Variants in FYB2 observed in about 807,000 individuals in gnomAD.
The protein encoded by FYB2 is FYN-binding protein 2.
A neutral mutation model predicts 94.1 loss-of-function variants in FYB2; 103 were observed. The ratio of observed to expected loss-of-function variants is 1.09; its 90% CI spans 0.93 to 1.29. The LOEUF (loss-of-function observed/expected upper bound fraction) is 1.29. FYB2 is among the 50% of genes most tolerant of loss of function. The pLI, the probability that FYB2 is intolerant of heterozygous loss-of-function variation, is 0.00. For missense variants in FYB2, 896 were observed against 841.5 expected, an observed-to-expected ratio of 1.06 and a Z score of -0.80; for synonymous variants, 293 against 287.9, an observed-to-expected ratio of 1.02 and a Z score of -0.18.
chr1:56,815,635 C>T (rs1291473186), intron 1 of FYB2, among the ~76,000 whole-genome samples: 1 of 152,156 alleles, frequency 6.6e-6, no homozygotes, highest in African/African-American at 2.4e-5. Flanking sequence ...CATTTTCTGC[C>T]TCTGTGGCTC....
At chr1:56,779,160 A>G (rs1338175346) in intron 4 of FYB2, among the ~76,000 whole-genome samples, 1 of 152,188 alleles carries the variant, frequency 6.6e-6, no homozygotes, top group Admixed American at 6.5e-5. Flanking sequence ...TAAGAAACCT[A>G]TAAGAATATA....
intron 3 of FYB2, 60 bp downstream of exon 3, chr1:56,788,913 G>A (rs2100949749): frequency 3.8e-6 from 6 of 1,588,610 alleles, no homozygotes; most frequent in Non-Finnish European, 5.2e-6. Flanking sequence ...CCTGGGAGAG[G>A]ATGTGGAGAC....
chr1:56,758,892 G>A (rs1400095187), intron 5 of FYB2, 142 bp from the exon 6 acceptor site: 7 of 527,786 alleles, frequency 1.3e-5, no homozygotes, highest in Non-Finnish European at 1.9e-5. Flanking sequence ...GCTCTATCTA[G>A]AAAGTTTGGG....
intron 4 of FYB2, 72 bp downstream of exon 4, chr1:56,787,103 C>A: frequency 6.6e-7 from 1 of 1,522,170 alleles, no homozygotes; most frequent in Non-Finnish European, 9.1e-7. Context: ...GTGCTAATTG[C>A]CTGCTCTGGA....
Position 56,720,063 on chromosome 1 carries a change from A to G in FYB2, c.2132-8T>C. ...CAATGAGCACATATCCATCTAATAGAAACAAAAGTCACCGTTAATTTGAAA... is the reference window on the plus strand; with the variant it reads ...CAATGAGCACATATCCATCTAATAGGAACAAAAGTCACCGTTAATTTGAAA... On this transcript the variant is annotated splice_region_variant and splice_polypyrimidine_tract_variant and intron_variant, in intron 18 of 19. Coordinates refer to ENST00000343433, the MANE Select transcript of FYB2 (RefSeq NM_001004303.5). 6.2e-7 allele frequency: 1 copy of G among 1,600,192 alleles called. No homozygotes were observed. Among genetic ancestry groups the G allele is most frequent in the Non-Finnish European group, 8.5e-7 (1 of 1,175,308 alleles).
At chr1:56,816,863 C>CTTTTT (rs11415687) in intron 1 of FYB2, among the ~76,000 whole-genome samples, 1 of 140,164 alleles carries the variant, frequency 7.1e-6, no homozygotes, top group Non-Finnish European at 1.5e-5. Flanking sequence ...CAACAATTTT[C>CTTTTT]TTTTTTTTTT....
At chr1:56,806,382 G>A (rs1045025584) in intron 1 of FYB2, among the ~76,000 whole-genome samples, 1 of 152,156 alleles carries the variant, frequency 6.6e-6, no homozygotes, top group Non-Finnish European at 1.5e-5. Flanking sequence ...GAAAGTAATG[G>A]TAGAGGAGAT....
chr1:56,724,483 T>C (rs527729449), intron 16 of FYB2, among the ~76,000 whole-genome samples: 2 of 152,154 alleles, frequency 1.3e-5, no homozygotes, highest in East Asian at 3.9e-4. Context: ...ATTTCCAAGA[T>C]TACAGCCACT....
rs893766265 is a variant in FYB2, at chr1:56,753,865, C to T, written c.1201G>A (p.Glu401Lys). ...TTGAAAACATGGTTTGAATATGGTT[C>T]CTTTTCTGTGTTTTTAGGTTTCAAT... ...CELKPKNTEK[E>K]PYSNHVFKVD... The change falls in exon 8 of 20, where the codon GAA becomes AAA. Residue 401 changes from glutamate to lysine, a missense_variant. Glu to Lys is a moderately conservative substitution (Grantham distance 56). Transcript: ENST00000343433. The T allele has an allele frequency of 4.3e-6, 7 of 1,610,028 alleles. No homozygotes were observed. The African/African-American group carries it at 8.0e-5, about 18-fold the overall frequency.
chr1:56,754,343 T>A (rs1177569463), intron 7 of FYB2, among the ~76,000 whole-genome samples: 3 of 152,078 alleles, frequency 2.0e-5, no homozygotes, highest in Non-Finnish European at 4.4e-5. Context: ...TCTTTAGACA[T>A]GCCTTCCACA....
chr1:56,738,917 A>T (rs774681244), intron 13 of FYB2, among the ~76,000 whole-genome samples: 13 of 152,106 alleles, frequency 8.5e-5, no homozygotes, highest in Non-Finnish European at 1.9e-4. Context: ...ACAATATTTG[A>T]TCGAATTTTA....
At chr1:56,752,383 G>A (rs1376856400) in intron 8 of FYB2, among the ~76,000 whole-genome samples, 1 of 151,962 alleles carries the variant, frequency 6.6e-6, no homozygotes, top group Non-Finnish European at 1.5e-5. Context: ...ATGAGAGAAA[G>A]GTAATTGTCC....
At chr1:56,825,446 C>T in the FYB2 span, among the ~76,000 whole-genome samples, 2 of 152,084 alleles carry the variant, frequency 1.3e-5, no homozygotes, top group East Asian at 3.9e-4. Flanking sequence ...CTGCCCATGC[C>T]CACATCCATG....
intron 1 of FYB2, among the ~76,000 whole-genome samples, chr1:56,818,313 G>A (rs1646931139): frequency 6.6e-6 from 1 of 151,920 alleles, no homozygotes; most frequent in East Asian, 1.9e-4. Context: ...TTTGCCCTGA[G>A]ACAAAGGGGA....
chr1:56,810,949 A>G (rs1646753800), intron 1 of FYB2, among the ~76,000 whole-genome samples: 2 of 152,104 alleles, frequency 1.3e-5, no homozygotes, highest in South Asian at 2.1e-4. Flanking sequence ...TTTATTATCA[A>G]TATCTGTTTA....
In FYB2 at chr1:56,719,659, A is replaced by ATCT; in HGVS notation, c.*9_*11dup. The ATCT allele has an allele frequency of 6.3e-7, 1 of 1,597,636 alleles. No homozygotes were observed. The highest frequency in any genetic ancestry group is 8.6e-7 in the Non-Finnish European group (1 of 1,167,598). ...TCCTTTGTGCAGTCCATAGCATTTGATCTTGATTTTTCTAAGGTGACCAAC... is the reference window on the plus strand; with the variant it reads ...TCCTTTGTGCAGTCCATAGCATTTGATCTTCTTGATTTTTCTAAGGTGACCAAC... On this transcript the variant is annotated 3_prime_UTR_variant, in exon 20 of 20. Transcript: ENST00000343433.
chr1:56,817,975 C>A (rs557271126), intron 1 of FYB2, among the ~76,000 whole-genome samples: 10 of 152,144 alleles, frequency 6.6e-5, no homozygotes, highest in Non-Finnish European at 1.3e-4. Flanking sequence ...GTTACCTCAT[C>A]TACAATAAAT....
chr1:56,790,702 C>G (rs1472215029), intron 2 of FYB2, among the ~76,000 whole-genome samples: 1 of 152,082 alleles, frequency 6.6e-6, no homozygotes, highest in East Asian at 1.9e-4. Context: ...TAACAAGAGA[C>G]TGATGATAAA....
chr1:56,762,781 G>A (rs1158435860), intron 5 of FYB2, among the ~76,000 whole-genome samples: 4 of 152,162 alleles, frequency 2.6e-5, no homozygotes, highest in African/African-American at 9.7e-5. Flanking sequence ...ATGTTGAATA[G>A]CAATGGTAAC....
Sources: gnomAD v4.1 joint callset for allele counts (sites outside exome capture counted in the v4.1 genomes callset) on GRCh38, gnomAD v4.1.1 for gene constraint, MANE v1.5 for transcripts, NCBI Gene and HGNC (gene_info 2026-07-23, HGNC 2026-07-21) for gene names.